The following SCN2A variants were observed in gnomAD, a reference collection of about 807,000 sequenced individuals.
SCN2A encodes sodium voltage-gated channel alpha subunit 2, also known as sodium channel protein type 2 subunit alpha.
Under a neutral mutation model 188.7 loss-of-function variants are expected in SCN2A, and 20 were observed. That is an observed-to-expected ratio of 0.11 (90% CI 0.07 to 0.15). The LOEUF (loss-of-function observed/expected upper bound fraction) is 0.15, where lower values mean the gene tolerates loss of function less well. SCN2A is among the 10% of genes least tolerant of loss of function. The pLI, the probability that SCN2A is intolerant of heterozygous loss-of-function variation, is 1.00. For synonymous variants in SCN2A, 804 were observed against 833.1 expected, an observed-to-expected ratio of 0.97 and a Z score of 0.60; for missense variants, 1,278 against 2,445.0, an observed-to-expected ratio of 0.52 and a Z score of 10.07.
intron 17 of SCN2A, among the ~76,000 whole-genome samples, chr2:165,356,306 A>G (rs973194894): frequency 6.6e-6 from 1 of 152,202 alleles, no homozygotes; most frequent in African/African-American, 2.4e-5. Context: ...AATTTTTACT[A>G]ACTAGATTAT....
chr2:165,264,518 AG>A (rs961656483), intron 1 of SCN2A, among the ~76,000 whole-genome samples: 10 of 152,148 alleles, frequency 6.6e-5, no homozygotes, highest in Non-Finnish European at 1.2e-4. Flanking sequence ...AAAAGTTGAA[AG>A]CATTCCCCCT....
chr2:165,360,639 C>T (rs960395007), intron 17 of SCN2A, among the ~76,000 whole-genome samples: 2 of 151,782 alleles, frequency 1.3e-5, no homozygotes, highest in South Asian at 2.1e-4. Flanking sequence ...TATTTGATCT[C>T]GTTATTGTCC....
intron 14 of SCN2A, among the ~76,000 whole-genome samples, chr2:165,337,540 T>C (rs1451628688): frequency 6.6e-6 from 1 of 152,088 alleles, no homozygotes; most frequent in Non-Finnish European, 1.5e-5. Context: ...ATCTTAGTCA[T>C]GCTGCTGAAA....
intron 1 of SCN2A, among the ~76,000 whole-genome samples, chr2:165,280,034 C>G (rs78748368): frequency 0.015 from 2,225 of 152,238 alleles, 32 homozygotes; most frequent in Non-Finnish European, 0.021. Flanking sequence ...TGAGGCCTCC[C>G]CAACCAACAG....
intron 1 of SCN2A, chr2:165,285,629 A>G (rs1574500413): frequency 4.0e-6 from 1 of 252,438 alleles, no homozygotes; most frequent in Middle Eastern, 5.0e-4. Context: ...TGGCTGCCGG[A>G]CAAGGTCAAG....
chr2:165,272,575 A>T (rs1003710712), intron 1 of SCN2A: 13 of 152,038 alleles, frequency 8.6e-5, no homozygotes. Flanking sequence ...CTTTTCAAAT[A>T]CACATGGAAC....
chr2:165,250,543 A>G (rs1219323707), intron 1 of SCN2A, among the ~76,000 whole-genome samples: 1 of 151,596 alleles, frequency 6.6e-6, no homozygotes, highest in Non-Finnish European at 1.5e-5. Flanking sequence ...ACACACAAAA[A>G]AAATCTCTAT....
chr2:165,315,002 G>A (rs989625045), intron 10 of SCN2A, among the ~76,000 whole-genome samples: 2 of 151,914 alleles, frequency 1.3e-5, no homozygotes, highest in African/African-American at 4.8e-5. Context: ...TTTAAATCAC[G>A]GAGAAAAATG....
At chr2:165,375,898 C>G (rs1333488737) in intron 22 of SCN2A, among the ~76,000 whole-genome samples, 2 of 151,604 alleles carry the variant, frequency 1.3e-5, no homozygotes, top group Non-Finnish European at 2.9e-5. Context: ...AAATCCTGTC[C>G]TTTTATACAA....
intron 13 of SCN2A, among the ~76,000 whole-genome samples, chr2:165,330,629 G>A (rs185601331): frequency 2.0e-5 from 3 of 152,064 alleles, no homozygotes; most frequent in African/African-American, 7.2e-5. Flanking sequence ...TGAATTATAT[G>A]TATGTTTCAC....
intron 1 of SCN2A, among the ~76,000 whole-genome samples, chr2:165,286,467 T>G (rs188666178): frequency 2.0e-5 from 3 of 152,314 alleles, no homozygotes; most frequent in Non-Finnish European, 4.4e-5. Flanking sequence ...ATATTTAAAA[T>G]ATGCTTCCAT....
At position 165,308,655 on chromosome 2, in the gene SCN2A, T is replaced by C; in HGVS notation, c.477-11T>C. The C allele has an allele frequency of 1.2e-6, 2 of 1,610,510 alleles. No homozygotes were observed. The highest frequency in any genetic ancestry group is 1.7e-6 in the Non-Finnish European group (2 of 1,177,372). ...TAGATTTTTAATGTGAGCTTGGCTA[T>C]TTTCTCTCAGGTATACCTTTACAGG... On this transcript the variant is annotated splice_polypyrimidine_tract_variant and intron_variant, in intron 4 of 26. Coordinates refer to ENST00000375437, the MANE Select transcript of SCN2A (RefSeq NM_001040142.2).
At chr2:165,243,742 A>G (rs766271457) in intron 1 of SCN2A, 2 of 152,026 alleles carry the variant, frequency 1.3e-5, no homozygotes, top group Admixed American at 6.6e-5. Flanking sequence ...CTTAGAGCCA[A>G]TCTCCTCTAA....
At chr2:165,317,740 T>G (rs541486457) in intron 11 of SCN2A, among the ~76,000 whole-genome samples, 2 of 152,278 alleles carry the variant, frequency 1.3e-5, no homozygotes, top group African/African-American at 4.8e-5. Context: ...TAGTTGGGTA[T>G]TATAAGCAAT....
chr2:165,385,643 T>C (rs181943904), intron 25 of SCN2A, among the ~76,000 whole-genome samples: 1 of 152,314 alleles, frequency 6.6e-6, no homozygotes, highest in East Asian at 1.9e-4. Flanking sequence ...CTTGATATAA[T>C]ACCATTAAAT....
intron 1 of SCN2A, among the ~76,000 whole-genome samples, chr2:165,290,292 T>C (rs1312849919): frequency 1.3e-5 from 2 of 152,158 alleles, no homozygotes; most frequent in Non-Finnish European, 2.9e-5. Flanking sequence ...TACAGTGCTA[T>C]AGAAGCTATA....
At chr2:165,242,031 G>T (rs939415768) in intron 1 of SCN2A, among the ~76,000 whole-genome samples, 6 of 152,124 alleles carry the variant, frequency 3.9e-5, no homozygotes, top group African/African-American at 1.4e-4. Context: ...CGGTGTTGTT[G>T]TTGCAGTTGT....
In SCN2A at chr2:165,389,637, C is replaced by T. The variant is rs1232708340; in HGVS notation, c.5831C>T (p.Pro1944Leu). 3.1e-6 allele frequency: 5 copies of T among 1,613,718 alleles called. No homozygotes were observed. Among genetic ancestry groups the T allele is most frequent in the Non-Finnish European group, 4.2e-6 (5 of 1,179,812 alleles). ...AAAGGCAAAGAATGTGATGGAACAC[C>T]CATCAAAGAAGATACTCTCATTGAT... The part of the protein sequence containing the change: ...KDKGKECDGT[P>L]IKEDTLIDKL... Residue 1944 changes from proline (P) to leucine (L), a missense_variant, in exon 27 of 27, where the codon CCC (proline) becomes CTC (leucine). Around this residue, in one of 17 missense-constraint regions of SCN2A, gnomAD observed 109 missense variants for 137.9 expected, o/e 0.79. Coordinates refer to ENST00000375437, the MANE Select transcript of SCN2A (RefSeq NM_001040142.2). The surrounding 1 kb of genome is among the most constrained non-coding windows in gnomAD (Gnocchi z 4.2).
Position 165,370,253 on chromosome 2 carries a change from T to A in SCN2A, c.3803T>A (p.Val1268Glu), listed in dbSNP as rs774849906. The stretch of plus-strand genomic sequence containing the variant: ...AAGTGGGTTGCATATGGTTTTCAAG[T>A]GTATTTTACCAATGCCTGGTGCTGG... ...LLKWVAYGFQVYFTNAWCWLD... is the reference protein window; with the variant it reads ...LLKWVAYGFQEYFTNAWCWLD... The change falls in exon 20 of 27, where the codon GTG becomes GAG. Residue 1268 changes from valine to glutamate, a missense_variant. Physicochemically the swap from Val to Glu is moderately radical, Grantham distance 121. Transcript: ENST00000375437. 9.3e-6 allele frequency: 15 copies of A among 1,614,170 alleles called. No homozygotes were observed. The highest frequency in any genetic ancestry group is 1.2e-5 in the Non-Finnish European group (14 of 1,180,020).
Sources: gnomAD v4.1 joint callset for allele counts (sites outside exome capture counted in the v4.1 genomes callset) on GRCh38, gnomAD v4.1.1 for gene constraint, gnomAD v4.1.1 regional missense constraint, Gnocchi (gnomAD v3.1) non-coding constraint, MANE v1.5 for transcripts, NCBI Gene and HGNC (gene_info 2026-07-23, HGNC 2026-07-21) for gene names.